KHDRBS2: variants seen among roughly 807,000 people sequenced by gnomAD.
KHDRBS2 encodes KH domain-containing, RNA-binding, signal transduction-associated protein 2.
Under a neutral mutation model 44.3 loss-of-function variants are expected in KHDRBS2, and 26 were observed. The observed-to-expected ratio is 0.59, with a 90% confidence interval of 0.43 to 0.81. The LOEUF is 0.81. Ranked by LOEUF, KHDRBS2 falls within the 40% of genes least tolerant of loss-of-function variation. The pLI, the probability that KHDRBS2 is intolerant of heterozygous loss-of-function variation, is 0.00. For missense variants in KHDRBS2, 476 were observed against 433.1 expected (o/e 1.10, Z -0.88); for synonymous variants, 194 against 151.1 (o/e 1.28, Z -2.08).
At chr6:62,127,308 G>A (rs1809196454) in intron 2 of KHDRBS2, among the ~76,000 whole-genome samples, 1 of 152,020 alleles carries the variant, frequency 6.6e-6, no homozygotes, top group Admixed American at 6.6e-5. Flanking sequence ...AGCCCTATTA[G>A]GAGTATGGGC....
At chr6:61,625,231 C>T in the KHDRBS2 span, among the ~76,000 whole-genome samples, 64 of 151,660 alleles carry the variant, frequency 4.2e-4, no homozygotes, top group African/African-American at 1.4e-3. Context: ...ACCAGGTAAA[C>T]GAGCAGGACC....
intron 6 of KHDRBS2, among the ~76,000 whole-genome samples, chr6:61,780,620 A>G (rs1423161653): frequency 6.6e-6 from 1 of 152,232 alleles, no homozygotes; most frequent in African/African-American, 2.4e-5. Context: ...ACTTACTGAA[A>G]TCACTGAAGC....
intron 4 of KHDRBS2, among the ~76,000 whole-genome samples, chr6:61,904,898 G>A (rs936103411): frequency 6.6e-6 from 1 of 152,052 alleles, no homozygotes; most frequent in Non-Finnish European, 1.5e-5. Context: ...CTAATATATA[G>A]GCTGCTGATA....
At chr6:62,133,863 G>C (rs1483837965) in intron 2 of KHDRBS2, among the ~76,000 whole-genome samples, 1 of 152,154 alleles carries the variant, frequency 6.6e-6, no homozygotes, top group African/African-American at 2.4e-5. Flanking sequence ...ATCTGAACTT[G>C]AGGGAGATGA....
chr6:62,136,605 T>C (rs1811582020), intron 2 of KHDRBS2, among the ~76,000 whole-genome samples: 1 of 152,220 alleles, frequency 6.6e-6, no homozygotes, highest in South Asian at 2.1e-4. Context: ...TTTATAATGT[T>C]ATGGTTTGTA....
At chr6:62,096,086 A>G (rs1249010698) in intron 2 of KHDRBS2, among the ~76,000 whole-genome samples, 1 of 151,950 alleles carries the variant, frequency 6.6e-6, no homozygotes, top group East Asian at 1.9e-4. Flanking sequence ...CATGATGAAT[A>G]ATCTTTTTGA....
At chr6:62,201,555 A>C (rs1826995104) in intron 1 of KHDRBS2, among the ~76,000 whole-genome samples, 1 of 152,134 alleles carries the variant, frequency 6.6e-6, no homozygotes, top group Non-Finnish European at 1.5e-5. Flanking sequence ...AAATCTACCA[A>C]GTATATTAAC....
At chr6:61,690,440 G>A (rs1166465328) in intron 8 of KHDRBS2, among the ~76,000 whole-genome samples, 1 of 151,870 alleles carries the variant, frequency 6.6e-6, no homozygotes, top group African/African-American at 2.4e-5. Context: ...AGAAAAGGAA[G>A]TGATTAAAAA....
At chr6:61,808,189 G>A (rs1394665241) in intron 6 of KHDRBS2, among the ~76,000 whole-genome samples, 2 of 152,040 alleles carry the variant, frequency 1.3e-5, no homozygotes, top group African/African-American at 4.8e-5. Context: ...ACCACTACTA[G>A]TAGTTTAAAT....
chr6:61,543,476 A>G, the KHDRBS2 span, among the ~76,000 whole-genome samples: 1 of 152,066 alleles, frequency 6.6e-6, no homozygotes, highest in Non-Finnish European at 1.5e-5. Flanking sequence ...GAGAAAAGGG[A>G]ACCCTCATAC....
intron 2 of KHDRBS2, among the ~76,000 whole-genome samples, chr6:62,108,526 G>A (rs1804113716): frequency 6.6e-6 from 1 of 152,144 alleles, no homozygotes; most frequent in Non-Finnish European, 1.5e-5. Flanking sequence ...AACCATCGTG[G>A]AAGTCAGTGT....
intron 2 of KHDRBS2, among the ~76,000 whole-genome samples, chr6:62,113,970 C>T (rs1805615685): frequency 6.6e-6 from 1 of 152,066 alleles, no homozygotes; most frequent in Non-Finnish European, 1.5e-5. Context: ...CCTCAGGTAA[C>T]TTACAATCAT....
chr6:61,894,047 A>C (rs1802478533), intron 6 of KHDRBS2, among the ~76,000 whole-genome samples: 1 of 152,214 alleles, frequency 6.6e-6, no homozygotes, highest in African/African-American at 2.4e-5. Context: ...ACTAAAGGTT[A>C]AAAGATGTTT....
chr6:62,277,724 T>C (rs1201299876), intron 1 of KHDRBS2, among the ~76,000 whole-genome samples: 1 of 152,218 alleles, frequency 6.6e-6, no homozygotes, highest in East Asian at 1.9e-4. Context: ...CTGATGGAAT[T>C]AATCCTCCAA....
chr6:61,582,604 A>C, the KHDRBS2 span, among the ~76,000 whole-genome samples: 1 of 151,750 alleles, frequency 6.6e-6, no homozygotes, highest in Non-Finnish European at 1.5e-5. Flanking sequence ...ATGGGAAAAC[A>C]GCTTCTTTTT....
the KHDRBS2 span, among the ~76,000 whole-genome samples, chr6:61,673,649 A>C: frequency 1.5e-5 from 2 of 137,658 alleles, no homozygotes; most frequent in Non-Finnish European, 3.1e-5. Flanking sequence ...CAGAGAGCCA[A>C]ATCATGAGTG....
At chr6:61,630,882 C>T in the KHDRBS2 span, among the ~76,000 whole-genome samples, 1 of 152,168 alleles carries the variant, frequency 6.6e-6, no homozygotes, top group African/African-American at 2.4e-5. Context: ...CACGATTCTG[C>T]ATACGCTATT....
At chr6:61,619,025 C>T in the KHDRBS2 span, among the ~76,000 whole-genome samples, 1 of 152,078 alleles carries the variant, frequency 6.6e-6, no homozygotes, top group Admixed American at 6.6e-5. Context: ...AAAACATTTT[C>T]CCTGTCTTTG....
At chr6:61,574,479 C>A in the KHDRBS2 span, 2 of 1,198,872 alleles carry the variant, frequency 1.7e-6, no homozygotes, top group Admixed American at 2.8e-5. Context: ...CAGGCTCTAA[C>A]CTACCAAACC....
Sources: gnomAD v4.1 joint callset for allele counts (sites outside exome capture counted in the v4.1 genomes callset) on GRCh38, gnomAD v4.1.1 for gene constraint, MANE v1.5 for transcripts, NCBI Gene and HGNC (gene_info 2026-07-23, HGNC 2026-07-21) for gene names.